The following LCT variants were observed in gnomAD, a reference collection of about 807,000 sequenced individuals.
The protein encoded by LCT is lactase.
LCT carries 90 observed loss-of-function variants against 173.0 expected under a neutral mutation model. That is an observed-to-expected ratio of 0.52 (90% CI 0.44 to 0.62). The LOEUF is 0.62. Ranked by LOEUF, LCT falls within the 20% of genes least tolerant of loss-of-function variation. The pLI, the probability that LCT is intolerant of heterozygous loss-of-function variation, is 0.00. For missense variants in LCT, 1,864 were observed against 2,431.4 expected (o/e 0.77, Z 4.91); for synonymous variants, 853 against 957.6 (o/e 0.89, Z 2.02).
chr2:135,812,616 A>T lies in LCT; in HGVS notation c.2048T>A (p.Leu683Gln). The T allele has an allele frequency of 2.5e-6, 4 of 1,611,144 alleles. No homozygotes were observed. The highest frequency in any genetic ancestry group is 3.4e-6 in the Non-Finnish European group (4 of 1,177,460). The change falls in exon 7 of 17, where the codon CTG (leucine) becomes CAG (glutamine). Residue 683 changes from leucine to glutamine, a missense_variant. Around this residue, in one of 4 missense-constraint regions of LCT, gnomAD observed 755 missense variants for 926.3 expected, o/e 0.82. Transcript: ENST00000264162. ...LLKGSADFLG[L>Q]SHYTSRLISN... ...GATGAGGCGGGAGGTGTAATGCGAC[A>T]GACCCAGAAAATCAGCAGAGCCTTT...
At position 135,809,143 on chromosome 2, in the gene LCT, G is replaced by A; in HGVS notation, c.3204C>T (p.Tyr1068=). Residue 1068 remains tyrosine (Y), a synonymous_variant, in exon 8 of 17, where the codon TAC becomes TAT. Coordinates refer to ENST00000264162, the MANE Select transcript of LCT (RefSeq NM_002299.4). This position sits in a 1 kb window ranked among gnomAD's most constrained non-coding sequence, Gnocchi z 5.5. ...CTGAGCCATAACCTAGCCATGCCAG[G>A]TACATGGGCTCATTAAAAGTCATCC... ...KFWMTFNEPM[Y]LAWLGYGSGE... is the part of the protein sequence containing the mutation. 1 of 1,614,204 alleles carries A rather than the reference G, an allele frequency of 6.2e-7. No individual in the cohort carries two copies. Among genetic ancestry groups the A allele is most frequent in the Non-Finnish European group, 8.5e-7 (1 of 1,180,032 alleles).
At chr2:135,810,560 A>G (rs1412085729) in intron 7 of LCT, among the ~76,000 whole-genome samples, 1 of 152,190 alleles carries the variant, frequency 6.6e-6, no homozygotes, top group East Asian at 1.9e-4. Flanking sequence ...ATGTGTTACC[A>G]CCAGGGTGTC....
Position 135,817,963 on chromosome 2 carries a change from A to AC in LCT, c.1084_1085insG (p.Ile362SerfsTer23). On this transcript the variant is annotated frameshift_variant, in exon 6 of 17. Coordinates refer to ENST00000264162, the MANE Select transcript of LCT (RefSeq NM_002299.4). LOFTEE classifies it high-confidence loss of function. The stretch of plus-strand genomic sequence containing the variant: ...GGACTGATTGGCAAATGCTTCCCAG[A>AC]TTCTCTGATAGGCAGAGGCAGGAGA... 6.2e-7 allele frequency: 1 copy of AC among 1,613,648 alleles called. No homozygotes were observed. Among genetic ancestry groups the AC allele is most frequent in the Non-Finnish European group, 8.5e-7 (1 of 1,179,944 alleles).
In LCT at chr2:135,790,320, C is replaced by T. The variant is rs1266713484; in HGVS notation, c.5335+338G>A. 1.3e-5 allele frequency among the ~76,000 whole-genome samples: 2 copies of T among 152,184 alleles called. No homozygotes were observed. The highest frequency in any genetic ancestry group is 2.4e-5 in the African/African-American group (1 of 41,440). On this transcript the variant is annotated intron_variant, in intron 15 of 16. Coordinates refer to ENST00000264162, the MANE Select transcript of LCT (RefSeq NM_002299.4). This position sits in a 1 kb window ranked among gnomAD's most constrained non-coding sequence, Gnocchi z 4.1. ...TTTGCTCGGAGACTAAGAGACCCTA[C>T]AGGCAACCACACAGCCTACTCCTCC...
intron 1 of LCT, among the ~76,000 whole-genome samples, chr2:135,834,598 G>A (rs2077969308): frequency 6.8e-6 from 1 of 147,044 alleles, no homozygotes; most frequent in African/African-American, 2.5e-5. Context: ...GTCCAGCCTG[G>A]CCAACACGGT....
intron 13 of LCT, among the ~76,000 whole-genome samples, chr2:135,794,978 C>G (rs1192698505): frequency 6.6e-6 from 1 of 152,054 alleles, no homozygotes; most frequent in Non-Finnish European, 1.5e-5. Context: ...AACCTGGCTT[C>G]CCTAGGTCTC....
rs2077506656 is a variant in LCT at position 135,788,186 on chromosome 2, A to AATC, written c.*137_*138insGAT. On this transcript the variant is annotated 3_prime_UTR_variant, in exon 17 of 17. Transcript: ENST00000264162. ...AGCAAGTCGAAATCATTCAAGATTA[A>AATC]AGTCATCTCTAACGGTGCAGCAGGA... The AATC allele has an allele frequency of 2.8e-6, 2 of 720,978 alleles. No individual in the cohort carries two copies. Among genetic ancestry groups the AATC allele is most frequent in the Non-Finnish European group, 5.0e-6 (2 of 403,764 alleles). The allele number at this position is 720,978 out of a possible 1,614,324, so 44.7% of individuals were successfully genotyped here. A position where few individuals can be genotyped will look rare whatever the true frequency, so the allele number is the denominator to read the frequency against.
At chr2:135,817,230 G>C (rs2077787247) in intron 6 of LCT, 111 bp downstream of exon 6, 14 of 1,334,122 alleles carry the variant, frequency 1.0e-5, no homozygotes, top group Non-Finnish European at 1.4e-5. Context: ...TTCCTTTAAA[G>C]AAAGAACAAA....
intron 3 of LCT, among the ~76,000 whole-genome samples, chr2:135,825,081 C>T (rs767806205): frequency 9.9e-5 from 15 of 152,024 alleles, no homozygotes; most frequent in Non-Finnish European, 1.8e-4. Flanking sequence ...TTATTTCTAG[C>T]CATTTCAGTA....
rs1298457431 is a variant in LCT, at chr2:135,790,867, A to G, written c.5126T>C (p.Ile1709Thr). 2 of 1,613,916 alleles carry G rather than the reference A, an allele frequency of 1.2e-6. No individual in the cohort carries two copies. Among genetic ancestry groups the G allele is most frequent in the Non-Finnish European group, 1.7e-6 (2 of 1,179,872 alleles). Residue 1709 changes from isoleucine (I) to threonine (T), a missense_variant, in exon 15 of 17, where the codon ATC becomes ACC. By Grantham distance (89) the Ile-to-Thr change is moderately conservative (BLOSUM62 -1). Transcript: ENST00000264162. This position sits in a 1 kb window ranked among gnomAD's most constrained non-coding sequence, Gnocchi z 4.1. ...SFDADRGVAS[I>T]ADRSWPDSGS... is the part of the protein sequence containing the mutation. The stretch of plus-strand genomic sequence containing the variant: ...AGAGTCTGGCCACGAGCGATCTGCG[A>G]TGGAAGCAACTCCTCTACAAGTTCA...
At chr2:135,833,637 G>A (rs1232683891) in intron 1 of LCT, among the ~76,000 whole-genome samples, 2 of 150,308 alleles carry the variant, frequency 1.3e-5, no homozygotes, top group East Asian at 2.0e-4. Flanking sequence ...TGGTAGAGAC[G>A]GAGTTGCACC....
At chr2:135,798,726 A>G (rs1405236069) in intron 12 of LCT, among the ~76,000 whole-genome samples, 4 of 152,192 alleles carry the variant, frequency 2.6e-5, no homozygotes, top group African/African-American at 7.2e-5. Context: ...CCCAAACACT[A>G]TGATGCTGGG....
Position 135,817,375 on chromosome 2 carries a change from G to T in LCT, c.1673C>A (p.Pro558His). 6.2e-7 allele frequency: 1 copy of T among 1,614,050 alleles called. No individual in the cohort carries two copies. Among genetic ancestry groups the T allele is most frequent in the Non-Finnish European group, 8.5e-7 (1 of 1,179,918 alleles). The change falls in exon 6 of 17, where the codon CCC (proline) becomes CAC (histidine). Residue 558 changes from proline to histidine, a missense_variant. Physicochemically the swap from Pro to His is moderately conservative, Grantham distance 77. Coordinates refer to ENST00000264162, the MANE Select transcript of LCT (RefSeq NM_002299.4). ...GGCCACTCCTGGGTCAGAGATGCCGGGAGGGTGCTGGCCGGTGCCATAGCC... is the reference window on the plus strand; with the variant it reads ...GGCCACTCCTGGGTCAGAGATGCCGTGAGGGTGCTGGCCGGTGCCATAGCC... ...YAGYGTGQHPPGISDPGVASF... is the reference protein window; with the variant it reads ...YAGYGTGQHPHGISDPGVASF...
rs763335456 is a variant in LCT at position 135,808,663 on chromosome 2, G to A, written c.3684C>T (p.Asp1228=). The change falls in exon 8 of 17, where the codon GAC becomes GAT. Residue 1228 remains aspartate (D), a synonymous_variant. Coordinates refer to ENST00000264162, the MANE Select transcript of LCT (RefSeq NM_002299.4). ...TPRLNPPSYE[D]DQEMAEEEDP... is the part of the protein sequence containing the mutation. ...CCTCCTCCTCAGCCATCTCCTGGTC[G>A]TCTTCGTAGGAGGGTGGGTTTAGCC... 6.8e-6 allele frequency: 11 copies of A among 1,614,080 alleles called. No homozygotes were observed. The highest frequency in any genetic ancestry group is 4.0e-5 in the African/African-American group (3 of 74,936).
intron 6 of LCT, among the ~76,000 whole-genome samples, chr2:135,815,676 G>C (rs1313106255): frequency 3.4e-5 from 5 of 148,176 alleles, no homozygotes; most frequent in Non-Finnish European, 5.9e-5. Flanking sequence ...CGGGACACAG[G>C]AAATAGTATT....
rs1433742012 is a variant in LCT, at chr2:135,791,012, CCAG to C, written c.5112-134_5112-132del. The stretch of plus-strand genomic sequence containing the variant: ...TCTAGCCTTAAGAATCATACTAAAC[CCAG>C]AAGAATCAAATTGCCTCAAATTCTC... On this transcript the variant is annotated intron_variant, in intron 14 of 16. Coordinates refer to ENST00000264162, the MANE Select transcript of LCT (RefSeq NM_002299.4). 1.1e-5 allele frequency: 8 copies of C among 740,104 alleles called. No individual in the cohort carries two copies. The Admixed American group carries it at 1.7e-4, about 16-fold the overall frequency. The allele number at this position is 740,104 out of a possible 1,614,324, so 45.8% of individuals were successfully genotyped here.
At chr2:135,835,970 ATG>A (rs1553436113) in intron 1 of LCT, among the ~76,000 whole-genome samples, 1 of 123,314 alleles carries the variant, frequency 8.1e-6, no homozygotes, top group Non-Finnish European at 1.6e-5. Flanking sequence ...TCAAAAATAC[ATG>A]TGTGTATATA....
rs762836902 is a variant in LCT at position 135,807,273 on chromosome 2, T to C, written c.4028A>G (p.Asn1343Ser). 5.6e-6 allele frequency: 9 copies of C among 1,614,084 alleles called. No individual in the cohort carries two copies. Among genetic ancestry groups the C allele is most frequent in the Middle Eastern group, 1.6e-4 (1 of 6,084 alleles). ...GGAGGCTCTTGCTGTGCGAGGCCTG[T>C]TCGTGTTGTTGAAATCAACATGGTA... ...GLYHVDFNNTNRPRTARASAR... is the reference protein window; with the variant it reads ...GLYHVDFNNTSRPRTARASAR... The change falls in exon 9 of 17, where the codon AAC (asparagine) becomes AGC (serine). Residue 1343 changes from asparagine to serine, a missense_variant. Transcript: ENST00000264162.
At chr2:135,823,487 T>G (rs1363253091) in intron 4 of LCT, among the ~76,000 whole-genome samples, 1 of 152,008 alleles carries the variant, frequency 6.6e-6, no homozygotes, top group East Asian at 1.9e-4. Flanking sequence ...ATGTGCAAAC[T>G]GAGATAATGG....
Sources: gnomAD v4.1 joint callset for allele counts (sites outside exome capture counted in the v4.1 genomes callset) on GRCh38, gnomAD v4.1.1 for gene constraint, gnomAD v4.1.1 regional missense constraint, Gnocchi (gnomAD v3.1) non-coding constraint, MANE v1.5 for transcripts, NCBI Gene and HGNC (gene_info 2026-07-23, HGNC 2026-07-21) for gene names.